ARB2A: variants seen among roughly 807,000 people sequenced by gnomAD.
ARB2A encodes cotranscriptional regulator ARB2A.
chr5:93,732,154 G>A, the ARB2A span, among the ~76,000 whole-genome samples: 2 of 152,080 alleles, frequency 1.3e-5, no homozygotes, highest in South Asian at 2.1e-4. Context: ...CACTGGTGTC[G>A]CCATGATCAT....
At chr5:93,643,058 C>T in the ARB2A span, among the ~76,000 whole-genome samples, 1 of 152,038 alleles carries the variant, frequency 6.6e-6, no homozygotes, top group East Asian at 1.9e-4. Flanking sequence ...TAAAATCAAG[C>T]ATTATCTAAA....
the ARB2A span, among the ~76,000 whole-genome samples, chr5:93,984,937 A>T: frequency 2.6e-5 from 4 of 152,220 alleles, no homozygotes; most frequent in African/African-American, 7.2e-5. Context: ...ATAACATGAT[A>T]TACATTGAGA....
the ARB2A span, among the ~76,000 whole-genome samples, chr5:94,099,468 CA>C: frequency 6.6e-6 from 1 of 151,088 alleles, no homozygotes; most frequent in African/African-American, 2.4e-5. Context: ...ACTAAAAATA[CA>C]AAAAATTAGC....
the ARB2A span, among the ~76,000 whole-genome samples, chr5:93,936,154 C>G: frequency 6.6e-6 from 1 of 152,096 alleles, no homozygotes; most frequent in Non-Finnish European, 1.5e-5. Flanking sequence ...TCTTTGTTCT[C>G]ACAATAAGAA....
the ARB2A span, among the ~76,000 whole-genome samples, chr5:94,042,209 T>C: frequency 6.6e-6 from 1 of 151,648 alleles, no homozygotes; most frequent in Non-Finnish European, 1.5e-5. Flanking sequence ...ATATATTGGC[T>C]AAAGTAAAAG....
At chr5:93,869,685 C>T in the ARB2A span, among the ~76,000 whole-genome samples, 1 of 152,128 alleles carries the variant, frequency 6.6e-6, no homozygotes, top group Non-Finnish European at 1.5e-5. Context: ...TTCTGCCCCA[C>T]CCTAACTGAT....
At chr5:93,736,763 C>T in the ARB2A span, 14 of 152,194 alleles carry the variant, frequency 9.2e-5, no homozygotes, top group East Asian at 9.7e-4. Flanking sequence ...CCCATACCCT[C>T]GCATATAAAA....
chr5:93,663,983 G>A, the ARB2A span, among the ~76,000 whole-genome samples: 2 of 152,002 alleles, frequency 1.3e-5, no homozygotes, highest in Non-Finnish European at 2.9e-5. Flanking sequence ...TAAGAGGAAC[G>A]CTTTCCAAAG....
chr5:93,871,899 C>T, the ARB2A span, among the ~76,000 whole-genome samples: 3 of 151,634 alleles, frequency 2.0e-5, no homozygotes, highest in Non-Finnish European at 4.4e-5. Flanking sequence ...TAATTCTTCC[C>T]ATGTTTCCTA....
At chr5:93,907,616 A>G in the ARB2A span, among the ~76,000 whole-genome samples, 246 of 151,606 alleles carry the variant, frequency 1.6e-3, 1 homozygote, top group African/African-American at 5.6e-3. Context: ...TAGATAAAAT[A>G]CTGTCATTTA....
At chr5:93,741,615 C>T in the ARB2A span, 1 of 1,448,334 alleles carries the variant, frequency 6.9e-7, no homozygotes, top group Admixed American at 2.8e-5. Context: ...GCCCTCGAGG[C>T]TTCAGAACAG....
the ARB2A span, among the ~76,000 whole-genome samples, chr5:94,050,003 G>C: frequency 2.6e-5 from 4 of 151,612 alleles, no homozygotes; most frequent in African/African-American, 9.7e-5. Context: ...GCAACGGTGT[G>C]ATCACAGCTC....
At chr5:93,896,635 C>T in the ARB2A span, among the ~76,000 whole-genome samples, 1 of 151,846 alleles carries the variant, frequency 6.6e-6, no homozygotes, top group African/African-American at 2.4e-5. Context: ...AATAGGAATA[C>T]TAATAATTTC....
chr5:94,104,028 T>C, the ARB2A span, among the ~76,000 whole-genome samples: 1 of 151,048 alleles, frequency 6.6e-6, no homozygotes, highest in Non-Finnish European at 1.5e-5. Flanking sequence ...GGAAAGTATA[T>C]AGCACTAAAC....
At chr5:93,910,933 T>C in the ARB2A span, 3 of 151,592 alleles carry the variant, frequency 2.0e-5, no homozygotes, top group Non-Finnish European at 4.4e-5. Context: ...AAAAACAGTT[T>C]AATGTTCATT....
the ARB2A span, among the ~76,000 whole-genome samples, chr5:93,725,433 G>A: frequency 6.6e-5 from 10 of 151,892 alleles, no homozygotes; most frequent in African/African-American, 1.2e-4. Context: ...TCAGAACTGC[G>A]GAAAAGAACA....
chr5:94,055,413 A>C, the ARB2A span, among the ~76,000 whole-genome samples: 106 of 152,304 alleles, frequency 7.0e-4, no homozygotes, highest in African/African-American at 2.5e-3. Context: ...AGAAAAAAGT[A>C]TTTTGTCTAC....
chr5:93,901,254 A>C, the ARB2A span, among the ~76,000 whole-genome samples: 2 of 152,214 alleles, frequency 1.3e-5, no homozygotes, highest in African/African-American at 4.8e-5. Context: ...AGAAAAGGTG[A>C]GATTTTGGAA....
chr5:93,821,243 T>C, the ARB2A span, among the ~76,000 whole-genome samples: 1 of 152,270 alleles, frequency 6.6e-6, no homozygotes, highest in Admixed American at 6.5e-5. Flanking sequence ...AGGACAGTGG[T>C]AGAAAAACGA....
Sources: gnomAD v4.1 joint callset for allele counts (sites outside exome capture counted in the v4.1 genomes callset) on GRCh38, gnomAD v4.1.1 for gene constraint, MANE v1.5 for transcripts, NCBI Gene and HGNC (gene_info 2026-07-23, HGNC 2026-07-21) for gene names.